CACNB2: variants seen among roughly 807,000 people sequenced by gnomAD.
The protein encoded by CACNB2 is calcium voltage-gated channel auxiliary subunit beta 2, also known as voltage-dependent L-type calcium channel subunit beta-2.
A neutral mutation model predicts 73.3 loss-of-function variants in CACNB2; 42 were observed. The observed-to-expected ratio is 0.57, with a 90% confidence interval of 0.45 to 0.74. The LOEUF is 0.74. Ranked by LOEUF, CACNB2 falls within the 30% of genes least tolerant of loss-of-function variation. CACNB2 has a pLI of 0.00. For synonymous variants in CACNB2, 348 were observed against 310.3 expected, an observed-to-expected ratio of 1.12 and a Z score of -1.28; for missense variants, 940 against 853.0, an observed-to-expected ratio of 1.10 and a Z score of -1.27.
At chr10:18,442,048 A>G (rs1236390821) in intron 3 of CACNB2, among the ~76,000 whole-genome samples, 3 of 152,182 alleles carry the variant, frequency 2.0e-5, no homozygotes, top group East Asian at 3.9e-4. Flanking sequence ...ACTTTCCTTG[A>G]TTGAAAATCT....
intron 2 of CACNB2, among the ~76,000 whole-genome samples, chr10:18,190,902 A>C (rs1003248861): frequency 6.6e-6 from 1 of 152,268 alleles, no homozygotes; most frequent in African/African-American, 2.4e-5. Context: ...AGTTTGCTCC[A>C]AGGGCAATGG....
intron 3 of CACNB2, among the ~76,000 whole-genome samples, chr10:18,461,864 T>C (rs1156917078): frequency 6.7e-6 from 1 of 149,814 alleles, no homozygotes; most frequent in Admixed American, 6.8e-5. Context: ...AATCTATCCT[T>C]TGGCACTCGA....
intron 1 of CACNB2, 65 bp downstream of exon 1, chr10:18,140,921 T>C: frequency 6.5e-7 from 1 of 1,546,040 alleles, no homozygotes; most frequent in Non-Finnish European, 8.7e-7. Flanking sequence ...GACCTCGGGT[T>C]CTCCCGGCGC....
rs1772060808 is a variant in CACNB2, at chr10:18,420,297, T to C, written c.333+18254T>C. 2.0e-5 allele frequency among the ~76,000 whole-genome samples: 3 copies of C among 149,088 alleles called. No homozygotes were observed. In the Admixed American group the frequency reaches 2.0e-4, roughly 10 times the overall value. On this transcript the variant is annotated intron_variant, in intron 3 of 13. Coordinates refer to ENST00000324631, the MANE Select transcript of CACNB2 (RefSeq NM_201596.3). ...GGGTTCTCCAGATAAACAGACCTAA[T>C]AGGAGATAAACACACATACACACAC...
intron 2 of CACNB2, among the ~76,000 whole-genome samples, chr10:18,348,012 A>G (rs1311663076): frequency 6.6e-6 from 1 of 152,198 alleles, no homozygotes; most frequent in African/African-American, 2.4e-5. Flanking sequence ...AAAAACGTGT[A>G]TATCCACCCA....
intron 2 of CACNB2, among the ~76,000 whole-genome samples, chr10:18,197,478 T>A (rs759741254): frequency 3.9e-5 from 6 of 152,154 alleles, no homozygotes; most frequent in Non-Finnish European, 7.4e-5. Flanking sequence ...AGCACCCCAG[T>A]GTGTTTCTTT....
intron 5 of CACNB2, among the ~76,000 whole-genome samples, chr10:18,505,676 C>T (rs2050450138): frequency 6.6e-6 from 1 of 152,156 alleles, no homozygotes; most frequent in Non-Finnish European, 1.5e-5. Context: ...TTATCTTCAT[C>T]TGAGAGAGGG....
chr10:18,409,254 T>C (rs1589267361), intron 3 of CACNB2, among the ~76,000 whole-genome samples: 1 of 148,398 alleles, frequency 6.7e-6, no homozygotes, highest in African/African-American at 2.5e-5. Context: ...GCCGAGGTCG[T>C]GCCATTGCAC....
At position 18,518,938 on chromosome 10, in the gene CACNB2, T is replaced by A. The variant is rs1200152081; in HGVS notation, c.914T>A (p.Phe305Tyr). The change falls in exon 9 of 14, where the codon TTT (phenylalanine) becomes TAT (tyrosine). Residue 305 changes from phenylalanine (F) to tyrosine (Y), a missense_variant. By Grantham distance (22) the Phe-to-Tyr change is conservative (BLOSUM62 3). Coordinates refer to ENST00000324631, the MANE Select transcript of CACNB2 (RefSeq NM_201596.3). ...ACAGATATGATGCAAAAAGCGCTGT[T>A]TGATTTTTTAAAACACAGATTTGAA... is the stretch of plus-strand genomic sequence containing the variant. The part of the protein sequence containing the change: ...EVTDMMQKAL[F>Y]DFLKHRFEGR... The A allele has an allele frequency of 6.2e-7, 1 of 1,613,880 alleles. No homozygotes were observed. Among genetic ancestry groups the A allele is most frequent in the African/African-American group, 1.3e-5 (1 of 74,902 alleles).
chr10:18,338,475 A>C (rs2041090495), intron 2 of CACNB2, among the ~76,000 whole-genome samples: 1 of 152,208 alleles, frequency 6.6e-6, no homozygotes, highest in African/African-American at 2.4e-5. Flanking sequence ...AAGGTACCTT[A>C]AAGTTCCAAA....
intron 2 of CACNB2, among the ~76,000 whole-genome samples, chr10:18,365,447 G>C (rs2042309876): frequency 6.6e-6 from 1 of 152,088 alleles, no homozygotes; most frequent in Non-Finnish European, 1.5e-5. Context: ...CATTCAGTTT[G>C]CCTTCATGTT....
At chr10:18,431,744 T>C (rs2045899277) in intron 3 of CACNB2, among the ~76,000 whole-genome samples, 1 of 147,490 alleles carries the variant, frequency 6.8e-6, no homozygotes, top group South Asian at 2.2e-4. Flanking sequence ...GATATCTTTG[T>C]TGACCTCATT....
chr10:18,415,697 C>T (rs1313728769), intron 3 of CACNB2, among the ~76,000 whole-genome samples: 3 of 152,078 alleles, frequency 2.0e-5, no homozygotes, highest in African/African-American at 2.4e-5. Context: ...GGTCCAACAA[C>T]GCCTGCCATT....
intron 3 of CACNB2, among the ~76,000 whole-genome samples, chr10:18,439,514 T>A (rs2132924598): frequency 6.6e-6 from 1 of 152,344 alleles, no homozygotes; most frequent in East Asian, 1.9e-4. Context: ...GGATGACCTC[T>A]TCTGATCCCC....
chr10:18,349,829 G>A (rs1053768813), intron 2 of CACNB2, among the ~76,000 whole-genome samples: 9 of 152,132 alleles, frequency 5.9e-5, no homozygotes, highest in African/African-American at 2.2e-4. Context: ...GGCTCAAATG[G>A]TAAATCCTAT....
intron 2 of CACNB2, among the ~76,000 whole-genome samples, chr10:18,299,195 G>T (rs1330083016): frequency 1.3e-5 from 2 of 151,994 alleles, no homozygotes; most frequent in Non-Finnish European, 2.9e-5. Context: ...AGCACCAGAA[G>T]TCGCATATAA....
intron 2 of CACNB2, among the ~76,000 whole-genome samples, chr10:18,153,255 C>T (rs192817489): frequency 7.5e-4 from 114 of 152,072 alleles, no homozygotes; most frequent in African/African-American, 2.5e-3. Flanking sequence ...ATCAATAGGA[C>T]GAGGTGTTTG....
At chr10:18,199,440 G>A (rs2034776339) in intron 2 of CACNB2, among the ~76,000 whole-genome samples, 2 of 152,254 alleles carry the variant, frequency 1.3e-5, no homozygotes, top group South Asian at 4.1e-4. Flanking sequence ...GCAAAGTTCT[G>A]AGTAAACCTC....
intron 2 of CACNB2, among the ~76,000 whole-genome samples, chr10:18,154,203 T>C (rs1393844149): frequency 6.6e-6 from 1 of 152,040 alleles, no homozygotes; most frequent in African/African-American, 2.4e-5. Context: ...CTAGGTATAC[T>C]TTTAGGTAGT....
Sources: gnomAD v4.1 joint callset for allele counts (sites outside exome capture counted in the v4.1 genomes callset) on GRCh38, gnomAD v4.1.1 for gene constraint, MANE v1.5 for transcripts, NCBI Gene and HGNC (gene_info 2026-07-23, HGNC 2026-07-21) for gene names.